RGS9: variants seen among roughly 807,000 people sequenced by gnomAD.
RGS9 encodes regulator of G-protein signalling 9.
A neutral mutation model predicts 102.0 loss-of-function variants in RGS9; 78 were observed. The ratio of observed to expected loss-of-function variants is 0.76; its 90% confidence interval spans 0.64 to 0.92. RGS9 has a LOEUF of 0.92. Among genes scored for constraint, RGS9 ranks in the 40% least tolerant of loss-of-function variants. The pLI is 0.00. For missense variants in RGS9, 833 were observed against 866.1 expected (o/e 0.96, Z 0.48); for synonymous variants, 353 against 318.6 (o/e 1.11, Z -1.15).
intron 12 of RGS9, among the ~76,000 whole-genome samples, chr17:65,194,127 G>C (rs867208081): frequency 6.6e-6 from 1 of 152,218 alleles, no homozygotes; most frequent in South Asian, 2.1e-4. Context: ...TGGGTATTGC[G>C]CTTCTAGGAA....
chr17:65,196,847 T>C (rs1046556503), intron 12 of RGS9, among the ~76,000 whole-genome samples: 1 of 152,232 alleles, frequency 6.6e-6, no homozygotes, highest in Non-Finnish European at 1.5e-5. Context: ...AATTCGTTTG[T>C]CCTTAAGGTT....
Position 65,227,474 on chromosome 17 carries a change from G to C in RGS9, c.*67G>C. On this transcript the variant is annotated 3_prime_UTR_variant, in exon 19 of 19. Coordinates refer to ENST00000262406, the MANE Select transcript of RGS9 (RefSeq NM_003835.4). ...TGCTCTGACAGATGCCATGGTATGGGCCACAGGACACACTTGCTCGAGAAC... is the reference window on the plus strand; with the variant it reads ...TGCTCTGACAGATGCCATGGTATGGCCCACAGGACACACTTGCTCGAGAAC... 6.4e-7 allele frequency: 1 copy of C among 1,560,934 alleles called. No homozygotes were observed. Among genetic ancestry groups the C allele is most frequent in the Non-Finnish European group, 8.7e-7 (1 of 1,150,402 alleles).
chr17:65,180,579 AC>A (rs1414537980), intron 9 of RGS9, among the ~76,000 whole-genome samples: 1 of 152,084 alleles, frequency 6.6e-6, no homozygotes, highest in African/African-American at 2.4e-5. Flanking sequence ...TGAACTCCTG[AC>A]CTCAGGTGAT....
At chr17:65,177,151 C>G (rs564473950) in intron 8 of RGS9, among the ~76,000 whole-genome samples, 1 of 149,198 alleles carries the variant, frequency 6.7e-6, no homozygotes, top group East Asian at 2.0e-4. Flanking sequence ...TTTATCTGTC[C>G]GTCCATCCAT....
intron 2 of RGS9, among the ~76,000 whole-genome samples, chr17:65,154,105 G>A (rs576599657): frequency 1.1e-3 from 165 of 152,148 alleles, no homozygotes; most frequent in Non-Finnish European, 1.1e-3. Context: ...TCGGGAGTTC[G>A]AGACCGGCCT....
At chr17:65,220,117 C>A (rs1164692422) in intron 17 of RGS9, among the ~76,000 whole-genome samples, 1 of 152,074 alleles carries the variant, frequency 6.6e-6, no homozygotes, top group Non-Finnish European at 1.5e-5. Context: ...TCATCACCAT[C>A]ATCACCTAGT....
intron 9 of RGS9, among the ~76,000 whole-genome samples, chr17:65,179,635 CTGTG>C (rs56275900): frequency 0.17 from 21,362 of 124,772 alleles, 1,743 homozygotes; most frequent in East Asian, 0.27. Flanking sequence ...TACTGCTCAG[CTGTG>C]TGTGTGTGTG....
At position 65,183,052 on chromosome 17, in the gene RGS9, ATT is replaced by A. The variant is rs141840859; in HGVS notation, c.654+5255_654+5256del. On this transcript the variant is annotated intron_variant, in intron 9 of 18. Coordinates refer to ENST00000262406, the MANE Select transcript of RGS9 (RefSeq NM_003835.4). ...CTCCTTAGACAGCTGCACCCCCTTAATTTTTTTAAATCTATCTATCTATCTAT... is the reference window on the plus strand; with the variant it reads ...CTCCTTAGACAGCTGCACCCCCTTAATTTTTAAATCTATCTATCTATCTAT... Among the ~76,000 whole-genome samples the A allele has an allele frequency of 4.4e-3, 440 of 99,868 alleles. 4 individuals are homozygous for A. Among genetic ancestry groups the A allele is most frequent in the African/African-American group, 0.034 (413 of 12,306 alleles). 65.5% of individuals were successfully genotyped at this position (99,868 alleles called of 152,430 possible). A position where few individuals can be genotyped will look rare whatever the true frequency, so the allele number is the denominator to read the frequency against.
chr17:65,216,424 G>A (rs1290017978), intron 17 of RGS9, among the ~76,000 whole-genome samples: 1 of 152,172 alleles, frequency 6.6e-6, no homozygotes, highest in Non-Finnish European at 1.5e-5. Flanking sequence ...CTGGTCATGA[G>A]GTCAGGAAAT....
chr17:65,168,675 G>A (rs1036523344), intron 8 of RGS9, among the ~76,000 whole-genome samples: 2 of 151,314 alleles, frequency 1.3e-5, no homozygotes, highest in African/African-American at 2.4e-5. Context: ...AATGGAAACT[G>A]CTTGGCCAAA....
intron 15 of RGS9, among the ~76,000 whole-genome samples, chr17:65,206,467 C>T (rs1240966947): frequency 1.3e-5 from 2 of 152,250 alleles, no homozygotes; most frequent in Admixed American, 6.5e-5. Context: ...ATCACGAGGT[C>T]GGGAGTTTGA....
At chr17:65,226,603 T>C (rs1905691753) in intron 18 of RGS9, among the ~76,000 whole-genome samples, 1 of 151,034 alleles carries the variant, frequency 6.6e-6, no homozygotes, top group Admixed American at 6.6e-5. Flanking sequence ...AGGCAGTTTT[T>C]TGTTTGTCTG....
intron 17 of RGS9, among the ~76,000 whole-genome samples, chr17:65,223,751 G>C (rs1011463598): frequency 1.3e-4 from 18 of 141,774 alleles, no homozygotes; most frequent in Non-Finnish European, 2.4e-4. Context: ...TTCATGCCAG[G>C]CTTTTTTTTT....
intron 9 of RGS9, among the ~76,000 whole-genome samples, chr17:65,181,264 A>G (rs1301356270): frequency 6.6e-6 from 1 of 152,220 alleles, no homozygotes; most frequent in East Asian, 1.9e-4. Context: ...TTCCCACCAG[A>G]AGCATATAAG....
At chr17:65,217,826 C>G (rs1054570465) in intron 17 of RGS9, among the ~76,000 whole-genome samples, 1 of 152,120 alleles carries the variant, frequency 6.6e-6, no homozygotes, top group Non-Finnish European at 1.5e-5. Context: ...ATAGTTTACT[C>G]TCTGATGTTG....
rs538966440 is a variant in RGS9 at position 65,169,574 on chromosome 17, T to G, written c.582+1293T>G. ...CCTTGGTGCCCAGTGGCACCATACC[T>G]GAGGGTAGGTAAAGAACGGCTTCTA... On this transcript the variant is annotated intron_variant, in intron 8 of 18. Transcript: ENST00000262406. Among the ~76,000 whole-genome samples, 17 of 152,326 alleles carry G rather than the reference T, an allele frequency of 1.1e-4. No individual in the cohort carries two copies. The South Asian group carries it at 3.3e-3, about 30-fold the overall frequency.
At chr17:65,210,922 T>C (rs1488708408) in intron 17 of RGS9, among the ~76,000 whole-genome samples, 2 of 152,140 alleles carry the variant, frequency 1.3e-5, no homozygotes, top group East Asian at 1.9e-4. Flanking sequence ...TGTGGCTGCC[T>C]ATTGTACCTT....
chr17:65,177,641 C>T, intron 8 of RGS9, 91 bp from the exon 9 acceptor site: 1 of 1,259,092 alleles, frequency 7.9e-7, no homozygotes. Context: ...TCAGCTCAAT[C>T]TCACAATTGG....
At position 65,158,453 on chromosome 17, in the gene RGS9, T is replaced by C. The variant is rs1910858763; in HGVS notation, c.205+108T>C. The C allele has an allele frequency of 2.9e-5, 31 of 1,058,664 alleles. No individual in the cohort carries two copies. In the South Asian group the frequency reaches 3.4e-4, roughly 12 times the overall value. The allele number at this position is 1,058,664 out of a possible 1,614,324, so 65.6% of individuals were successfully genotyped here. ...TGTTTCTGAGAAATTTACATTTTAATTGGACAGACATGACCTTCGTGTGTA... is the reference window on the plus strand; with the variant it reads ...TGTTTCTGAGAAATTTACATTTTAACTGGACAGACATGACCTTCGTGTGTA... On this transcript the variant is annotated intron_variant, in intron 3 of 18. Transcript: ENST00000262406.
Sources: allele counts gnomAD v4.1 joint callset (sites outside exome capture counted in the v4.1 genomes callset), GRCh38; gene constraint gnomAD v4.1.1; transcripts MANE v1.5; gene names NCBI Gene and HGNC (gene_info 2026-07-23, HGNC 2026-07-21).